The following NPAS3 variants were observed in gnomAD, a reference collection of about 807,000 sequenced individuals.
The protein encoded by NPAS3 is neuronal PAS domain-containing protein 3.
Under a neutral mutation model 73.1 loss-of-function variants are expected in NPAS3, and 14 were observed. The ratio of observed to expected loss-of-function variants is 0.19; its 90% CI spans 0.13 to 0.30. The LOEUF (loss-of-function observed/expected upper bound fraction) is 0.30. NPAS3 is among the 10% of genes least tolerant of loss of function. The pLI, the probability that NPAS3 is intolerant of heterozygous loss-of-function variation, is 1.00. For synonymous variants in NPAS3, 620 were observed against 541.5 expected, an observed-to-expected ratio of 1.14 and a Z score of -2.01; for missense variants, 1,096 against 1,250.0, an observed-to-expected ratio of 0.88 and a Z score of 1.86.
intron 4 of NPAS3, among the ~76,000 whole-genome samples, chr14:33,538,416 A>G (rs1259966153): frequency 6.6e-6 from 1 of 152,212 alleles, no homozygotes; most frequent in African/African-American, 2.4e-5. Flanking sequence ...CCAAAACATA[A>G]TAAAACTCCG....
chr14:33,663,967 T>C (rs1277688534), intron 5 of NPAS3, among the ~76,000 whole-genome samples: 4 of 149,484 alleles, frequency 2.7e-5, no homozygotes, highest in African/African-American at 1.0e-4. Context: ...TCTATTTCGT[T>C]AATCTTTTCA....
intron 3 of NPAS3, among the ~76,000 whole-genome samples, chr14:33,334,921 T>C (rs935026023): frequency 6.6e-6 from 1 of 152,162 alleles, no homozygotes; most frequent in Non-Finnish European, 1.5e-5. Flanking sequence ...TATGTGATGT[T>C]TGGTTTTCCA....
At chr14:33,073,720 A>AGGAATTT (rs1197582459) in intron 2 of NPAS3, among the ~76,000 whole-genome samples, 1 of 152,202 alleles carries the variant, frequency 6.6e-6, no homozygotes, top group Non-Finnish European at 1.5e-5. Context: ...AGAAGAAAAG[A>AGGAATTT]GGAATTTGAT....
intron 5 of NPAS3, among the ~76,000 whole-genome samples, chr14:33,642,620 A>G (rs1185371956): frequency 1.3e-5 from 2 of 152,142 alleles, no homozygotes; most frequent in Non-Finnish European, 2.9e-5. Context: ...CTGCTGGGGG[A>G]AAATAAATGC....
chr14:33,339,419 C>G (rs1460500198), intron 3 of NPAS3, among the ~76,000 whole-genome samples: 1 of 152,090 alleles, frequency 6.6e-6, no homozygotes, highest in African/African-American at 2.4e-5. Context: ...TTTTTCAAAG[C>G]CTCTTTTTTC....
chr14:32,980,875 G>A (rs2037869470), intron 1 of NPAS3, among the ~76,000 whole-genome samples: 1 of 152,112 alleles, frequency 6.6e-6, no homozygotes, highest in Non-Finnish European at 1.5e-5. Flanking sequence ...GGCCACTTAT[G>A]TTGTATAAGG....
At chr14:33,095,707 C>T (rs1186811199) in intron 2 of NPAS3, among the ~76,000 whole-genome samples, 12 of 134,896 alleles carry the variant, frequency 8.9e-5, no homozygotes, top group Non-Finnish European at 1.7e-4. Flanking sequence ...CTCGCTCTGT[C>T]GCCCAGGCTG....
chr14:33,315,296 C>A (rs996965611), intron 3 of NPAS3, among the ~76,000 whole-genome samples: 2 of 151,684 alleles, frequency 1.3e-5, no homozygotes, highest in African/African-American at 2.4e-5. Flanking sequence ...CTTTGTTTGC[C>A]AAAATTTTGA....
intron 11 of NPAS3, among the ~76,000 whole-genome samples, chr14:33,799,038 G>A (rs931630441): frequency 1.7e-4 from 25 of 151,248 alleles, no homozygotes; most frequent in African/African-American, 7.3e-5. Context: ...TTAGCCACTC[G>A]GGAGGCTGAG....
At chr14:32,953,695 AGTC>A (rs2036572663) in intron 1 of NPAS3, among the ~76,000 whole-genome samples, 1 of 152,168 alleles carries the variant, frequency 6.6e-6, no homozygotes, top group Non-Finnish European at 1.5e-5. Flanking sequence ...CATTAACAGT[AGTC>A]AGAATATTAG....
At chr14:33,662,953 T>G (rs928139822) in intron 5 of NPAS3, among the ~76,000 whole-genome samples, 29 of 145,396 alleles carry the variant, frequency 2.0e-4, no homozygotes, top group Admixed American at 9.8e-4. Context: ...CTCCGCCTCC[T>G]GGGTTCACGC....
chr14:33,265,886 C>T (rs2040792750), intron 3 of NPAS3, among the ~76,000 whole-genome samples: 1 of 151,606 alleles, frequency 6.6e-6, no homozygotes, highest in South Asian at 2.1e-4. Context: ...ATTAGTGGCA[C>T]TTTAAAGAAA....
chr14:33,229,143 A>C (rs923875919), intron 3 of NPAS3, among the ~76,000 whole-genome samples: 1 of 152,188 alleles, frequency 6.6e-6, no homozygotes, highest in Non-Finnish European at 1.5e-5. Flanking sequence ...CATGTAGAAC[A>C]CAGACTACTC....
rs1357680451 is a variant in NPAS3, at chr14:33,751,840, A to T, written c.852+16508A>T. ...CCCTTTGTCCCAGTAAGATCTGTGC[A>T]TGTCACATCAGTTACAAGTGATCTG... On this transcript the variant is annotated intron_variant, in intron 7 of 11. Coordinates refer to ENST00000356141, the Ensembl canonical transcript of NPAS3. Among the ~76,000 whole-genome samples, 3 of 152,212 alleles carry T rather than the reference A, an allele frequency of 2.0e-5. No individual in the cohort carries two copies. In the East Asian group the frequency reaches 5.8e-4, roughly 29 times the overall value.
intron 4 of NPAS3, among the ~76,000 whole-genome samples, chr14:33,547,191 G>A (rs1345049360): frequency 6.6e-6 from 1 of 152,182 alleles, no homozygotes; most frequent in Non-Finnish European, 1.5e-5. Flanking sequence ...TAAGGACTCA[G>A]TCCTTTAGGG....
intron 1 of NPAS3, among the ~76,000 whole-genome samples, chr14:32,940,897 T>C (rs757441706): frequency 6.6e-5 from 10 of 152,186 alleles, no homozygotes; most frequent in Non-Finnish European, 1.0e-4. Context: ...CTCTAGATGA[T>C]TCTGTAAACA....
At chr14:33,008,144 C>A (rs1173691028) in intron 1 of NPAS3, among the ~76,000 whole-genome samples, 1 of 151,966 alleles carries the variant, frequency 6.6e-6, no homozygotes, top group East Asian at 1.9e-4. Context: ...ATTATTACTG[C>A]AACATTATTT....
At chr14:32,968,791 T>TA (rs900639971) in intron 1 of NPAS3, among the ~76,000 whole-genome samples, 67 of 149,454 alleles carry the variant, frequency 4.5e-4, no homozygotes, top group Non-Finnish European at 8.3e-4. Context: ...TTTTTAAACT[T>TA]ATTTTGAGCT....
At chr14:33,580,404 C>T (rs1440989054) in intron 5 of NPAS3, among the ~76,000 whole-genome samples, 2 of 152,126 alleles carry the variant, frequency 1.3e-5, no homozygotes, top group African/African-American at 4.8e-5. Flanking sequence ...AAGATGACTC[C>T]AGGCCAATAA....
Sources: allele counts gnomAD v4.1 joint callset (sites outside exome capture counted in the v4.1 genomes callset), GRCh38; gene constraint gnomAD v4.1.1; transcripts MANE v1.5; gene names NCBI Gene and HGNC (gene_info 2026-07-23, HGNC 2026-07-21).